The following CFAP46 variants were observed in gnomAD, a reference collection of about 807,000 sequenced individuals.
CFAP46 encodes the protein cilia- and flagella-associated protein 46.
A neutral mutation model predicts 325.7 loss-of-function variants in CFAP46; 245 were observed. That is an observed-to-expected ratio of 0.75 (90% confidence interval 0.68 to 0.84). The LOEUF is 0.84. Ranked by LOEUF, CFAP46 falls within the 40% of genes least tolerant of loss-of-function variation. The pLI is 0.00. For missense variants in CFAP46, 3,346 were observed against 3,543.0 expected (o/e 0.94, Z 1.41); for synonymous variants, 1,523 against 1,495.9 (o/e 1.02, Z -0.42).
At chr10:132,910,193 C>G in intron 19 of CFAP46, 125 bp from the exon 20 acceptor site, 1 of 932,026 alleles carries the variant, frequency 1.1e-6, no homozygotes, top group Non-Finnish European at 1.4e-6. Flanking sequence ...GCCTTAAACA[C>G]GAGACCTCAG....
At chr10:132,813,002 C>G (rs1847613206) in intron 54 of CFAP46, 105 bp from the exon 55 acceptor site, 2 of 770,826 alleles carry the variant, frequency 2.6e-6, no homozygotes, top group Admixed American at 4.7e-5. Context: ...ACGCCTGTCC[C>G]ATTTGTGCAT....
chr10:132,875,112 T>A (rs146607612), intron 31 of CFAP46, among the ~76,000 whole-genome samples: 167 of 152,352 alleles, frequency 1.1e-3, no homozygotes, highest in Non-Finnish European at 2.0e-3. Flanking sequence ...ATAGTTTATC[T>A]GGAGTTTAAA....
rs150875409 is a variant in CFAP46, at chr10:132,900,469, C to A, written c.2925-803G>T. Reference sequence around the variant, plus strand: ...GCTCAGAGGAGGCACCAGATTTATTCTATGAGAAAGATGCTGGCTCACGGG... The same window carrying A: ...GCTCAGAGGAGGCACCAGATTTATTATATGAGAAAGATGCTGGCTCACGGG... On this transcript the variant is annotated intron_variant, in intron 22 of 57. Coordinates refer to ENST00000368586, the MANE Select transcript of CFAP46 (RefSeq NM_001200049.3). Among the ~76,000 whole-genome samples, 343 of 152,382 alleles carry A rather than the reference C, an allele frequency of 2.3e-3. 1 individual carries two copies. The highest frequency in any genetic ancestry group is 7.9e-3 in the African/African-American group (329 of 41,596).
At chr10:132,855,248 C>T (rs1252728138) in intron 39 of CFAP46, among the ~76,000 whole-genome samples, 7 of 152,166 alleles carry the variant, frequency 4.6e-5, no homozygotes. Context: ...AGCCTCTTGA[C>T]TGGTTGAGCC....
intron 55 of CFAP46, 37 bp from the exon 56 acceptor site, chr10:132,811,068 C>G: frequency 6.5e-7 from 1 of 1,537,554 alleles, no homozygotes; most frequent in Admixed American, 1.9e-5. Flanking sequence ...CAGCCTTGGC[C>G]TGACATGGGG....
At chr10:132,866,675 C>A (rs970500129) in intron 34 of CFAP46, among the ~76,000 whole-genome samples, 1 of 152,202 alleles carries the variant, frequency 6.6e-6, no homozygotes, top group Non-Finnish European at 1.5e-5. Context: ...CGGCCTGGGG[C>A]GGTGGCTGAG....
Position 132,928,859 on chromosome 10 carries a change from T to G in CFAP46, c.966+846A>C, listed in dbSNP as rs556804099. Among the ~76,000 whole-genome samples, 14 of 152,316 alleles carry G rather than the reference T, an allele frequency of 9.2e-5. No individual in the cohort carries two copies. The South Asian group carries it at 2.5e-3, about 27-fold the overall frequency. ...CCTGATGTATGCAGTCTTACACACT[T>G]GTCGTTGTGTGAAGCTTCTTCTGGA... On this transcript the variant is annotated intron_variant, in intron 9 of 57. Transcript: ENST00000368586.
chr10:132,808,989 G>T lies in CFAP46; in HGVS notation c.7665-85C>A. On this transcript the variant is annotated intron_variant, in intron 57 of 57. Transcript: ENST00000368586. The surrounding 1 kb of genome is among the most constrained non-coding windows in gnomAD (Gnocchi z 6.8). ...GAGGACCAGGGCACAGGGGCGGGAA[G>T]TGGCAGCTGCTCCAACTGAGGGCGC... 1 of 1,363,218 alleles carries T rather than the reference G, an allele frequency of 7.3e-7. No individual in the cohort carries two copies. Among genetic ancestry groups the T allele is most frequent in the South Asian group, 1.5e-5 (1 of 66,556 alleles). The allele number at this position is 1,363,218 out of a possible 1,614,324, so 84.4% of individuals were successfully genotyped here. A position where few individuals can be genotyped will look rare whatever the true frequency, so the allele number is the denominator to read the frequency against.
At chr10:132,931,851 C>T (rs1188002373) in intron 8 of CFAP46, among the ~76,000 whole-genome samples, 2 of 146,728 alleles carry the variant, frequency 1.4e-5, no homozygotes, top group Non-Finnish European at 3.0e-5. Flanking sequence ...CCTGGGCCTC[C>T]TTACACTCCC....
Position 132,808,889 on chromosome 10 carries a change from G to A in CFAP46, c.7680C>T (p.Asp2560=). The change falls in exon 58 of 58, where the codon GAC becomes GAT. Residue 2560 remains aspartate (D), a synonymous_variant. Transcript: ENST00000368586. This position sits in a 1 kb window ranked among gnomAD's most constrained non-coding sequence, Gnocchi z 6.8. Reference sequence around the variant, plus strand: ...GAGCAGCAGCAGCTTGTCCTTCAAGGTCTGAGAAGCCTCGTCTGTGGAGAA... The same window carrying A: ...GAGCAGCAGCAGCTTGTCCTTCAAGATCTGAGAAGCCTCGTCTGTGGAGAA... The part of the protein sequence containing the change: ...RGGEPRRGFS[D]LEGQAAAAPK... 1.3e-6 allele frequency: 2 copies of A among 1,591,684 alleles called. No individual in the cohort carries two copies. Among genetic ancestry groups the A allele is most frequent in the Non-Finnish European group, 1.7e-6 (2 of 1,164,616 alleles).
rs781456529 is a variant in CFAP46, at chr10:132,879,545, G to C, written c.3886C>G (p.Arg1296Gly). ...AVSLEQLRSV[R>G]QLEALARVHI... ...ACGCGGGCCAGCGCCTCCAGCTGCCGCACGCTACGCAGCTGCTCCAAGGAC... is the reference window on the plus strand; with the variant it reads ...ACGCGGGCCAGCGCCTCCAGCTGCCCCACGCTACGCAGCTGCTCCAAGGAC... Residue 1296 changes from arginine to glycine, a missense_variant, in exon 29 of 58, where the codon CGG (arginine) becomes GGG (glycine). Coordinates refer to ENST00000368586, the MANE Select transcript of CFAP46 (RefSeq NM_001200049.3). 6.5e-7 allele frequency: 1 copy of C among 1,547,052 alleles called. No individual in the cohort carries two copies. Among genetic ancestry groups the C allele is most frequent in the Non-Finnish European group, 8.7e-7 (1 of 1,146,042 alleles).
chr10:132,940,613 T>C (rs1029851517), intron 4 of CFAP46, among the ~76,000 whole-genome samples: 33 of 152,030 alleles, frequency 2.2e-4, no homozygotes, highest in African/African-American at 7.7e-4. Flanking sequence ...AGAGTCTCGC[T>C]GTCATCCAGG....
chr10:132,844,251 G>C (rs1848398393), intron 44 of CFAP46, among the ~76,000 whole-genome samples: 1 of 152,086 alleles, frequency 6.6e-6, no homozygotes, highest in South Asian at 2.1e-4. Context: ...CTGCAGCGCA[G>C]TGACCTCTCC....
intron 50 of CFAP46, among the ~76,000 whole-genome samples, chr10:132,823,997 T>C (rs867573654): frequency 1.4e-5 from 1 of 69,156 alleles, no homozygotes; most frequent in Non-Finnish European, 2.7e-5. Flanking sequence ...TGCTGCTTGT[T>C]TGTGCTGTGT....
intron 50 of CFAP46, among the ~76,000 whole-genome samples, chr10:132,826,186 C>T (rs1407079662): frequency 8.3e-6 from 1 of 120,810 alleles, no homozygotes. Context: ...AGACCAGCCA[C>T]GGAGCCAGGC....
intron 50 of CFAP46, among the ~76,000 whole-genome samples, chr10:132,820,491 C>CTGAGTGCTGATGTGTGCTG (rs1591031770): frequency 6.7e-6 from 1 of 148,968 alleles, no homozygotes; most frequent in Non-Finnish European, 1.5e-5. Context: ...CTGATGTGTG[C>CTGAGTGCTGATGTGTGCTG]TGAGTGCTGA....
intron 24 of CFAP46, among the ~76,000 whole-genome samples, chr10:132,895,537 A>G (rs192863514): frequency 1.3e-5 from 2 of 151,714 alleles, no homozygotes; most frequent in African/African-American, 2.4e-5. Flanking sequence ...AACTATCTCT[A>G]TTCACAGATG....
At position 132,810,947 on chromosome 10, in the gene CFAP46, C is replaced by T. The variant is rs1367131816; in HGVS notation, c.7583+3G>A. The stretch of plus-strand genomic sequence containing the variant: ...TGCCCACCCGTTCCAGGCAGCCAGG[C>T]ACCTCCTGTGCTCCACGCTCTCCAT... On this transcript the variant is annotated splice_donor_region_variant and intron_variant, in intron 56 of 57. Coordinates refer to ENST00000368586, the MANE Select transcript of CFAP46 (RefSeq NM_001200049.3). The T allele has an allele frequency of 6.3e-7, 1 of 1,592,804 alleles. No homozygotes were observed. The highest frequency in any genetic ancestry group is 1.1e-5 in the South Asian group (1 of 87,698).
At chr10:132,930,814 CACGCAGAGCCT>C (rs1849886549) in intron 8 of CFAP46, among the ~76,000 whole-genome samples, 1 of 85,832 alleles carries the variant, frequency 1.2e-5, no homozygotes, top group Non-Finnish European at 2.3e-5. Flanking sequence ...CCACACTCCC[CACGCAGAGCCT>C]GGGCCTTCCC....
Sources: gnomAD v4.1 joint callset for allele counts (sites outside exome capture counted in the v4.1 genomes callset) on GRCh38, gnomAD v4.1.1 for gene constraint, Gnocchi (gnomAD v3.1) non-coding constraint, MANE v1.5 for transcripts, NCBI Gene and HGNC (gene_info 2026-07-23, HGNC 2026-07-21) for gene names.